IRF2: variants seen among roughly 807,000 people sequenced by gnomAD.
IRF2 encodes interferon regulatory factor 2.
IRF2 carries 15 observed loss-of-function variants against 40.6 expected under a neutral mutation model. The observed-to-expected ratio is 0.37, with a 90% CI of 0.25 to 0.57. IRF2 has a LOEUF of 0.57. Among genes scored for constraint, IRF2 ranks in the 20% least tolerant of loss-of-function variants. The probability of loss-of-function intolerance (pLI) is 0.77; values close to 1 mark genes in which losing one functional copy is unlikely to be tolerated. For missense variants in IRF2, 317 were observed against 455.7 expected (o/e 0.70, Z 2.77); for synonymous variants, 151 against 165.5 (o/e 0.91, Z 0.67).
chr4:184,402,121 T>C (rs1475340390), intron 6 of IRF2, among the ~76,000 whole-genome samples: 3 of 152,212 alleles, frequency 2.0e-5, no homozygotes, highest in Non-Finnish European at 4.4e-5. Flanking sequence ...GAAGTTCATA[T>C]ACATGGCTAT....
chr4:184,407,310 G>C, intron 6 of IRF2: 2 of 1,212,260 alleles, frequency 1.6e-6, no homozygotes, highest in Non-Finnish European at 2.1e-6. Context: ...ATAAAAAGGA[G>C]TTTTTTCTTC....
At chr4:184,398,785 A>T in intron 7 of IRF2, 130 bp downstream of exon 7, 1 of 719,714 alleles carries the variant, frequency 1.4e-6, no homozygotes, top group Non-Finnish European at 2.1e-6. Flanking sequence ...TTAAAGTATG[A>T]AAAACTCCAG....
chr4:184,399,995 A>G (rs1736610067), intron 6 of IRF2, among the ~76,000 whole-genome samples: 1 of 152,248 alleles, frequency 6.6e-6, no homozygotes, highest in Admixed American at 6.5e-5. Flanking sequence ...TCGCAACCAG[A>G]GTATTGACAT....
chr4:184,437,222 A>T (rs553097313), intron 1 of IRF2, among the ~76,000 whole-genome samples: 2 of 152,124 alleles, frequency 1.3e-5, no homozygotes, highest in East Asian at 1.9e-4. Context: ...CGCCCAGCTA[A>T]TTTTTTTGTA....
At chr4:184,434,292 G>C (rs1327294846) in intron 1 of IRF2, among the ~76,000 whole-genome samples, 2 of 152,180 alleles carry the variant, frequency 1.3e-5, no homozygotes, top group Non-Finnish European at 2.9e-5. Context: ...GCTGGTGTGT[G>C]TCCTTGGGCT....
chr4:184,419,952 C>T (rs1028510714), intron 2 of IRF2, among the ~76,000 whole-genome samples: 1 of 152,230 alleles, frequency 6.6e-6, no homozygotes, highest in Non-Finnish European at 1.5e-5. Flanking sequence ...ACTACAACCT[C>T]CACCTCCTGG....
intron 5 of IRF2, among the ~76,000 whole-genome samples, chr4:184,412,564 G>A (rs1456568979): frequency 6.6e-6 from 1 of 152,190 alleles, no homozygotes; most frequent in Non-Finnish European, 1.5e-5. Context: ...CTAACAGAAC[G>A]TGTAGGCTGA....
chr4:184,463,859 C>G (rs922943762), intron 1 of IRF2, among the ~76,000 whole-genome samples: 1 of 152,200 alleles, frequency 6.6e-6, no homozygotes, highest in South Asian at 2.1e-4. Flanking sequence ...TTAAGCTCTA[C>G]TGTCATTCTC....
In IRF2 at chr4:184,408,243, A is replaced by G; in HGVS notation, c.444T>C (p.Ser148=). 6.2e-7 allele frequency: 1 copy of G among 1,612,942 alleles called. No homozygotes were observed. The part of the protein sequence containing the change: ...QEPVESSLGL[S]NGVSDLSPEY... ...CAGGAGAAAGATCACTTACTCCATT[A>G]CTAAGCCCCAGAGATGACTCAACTG... Residue 148 remains serine (S), a synonymous_variant, in exon 6 of 9, where the codon AGT becomes AGC. Transcript: ENST00000393593. The surrounding 1 kb of genome is among the most constrained non-coding windows in gnomAD (Gnocchi z 4.9).
intron 6 of IRF2, among the ~76,000 whole-genome samples, chr4:184,407,663 A>G (rs3775553): frequency 0.52 from 78,514 of 152,048 alleles, 21,453 homozygotes; most frequent in East Asian, 0.61. Context: ...GGCCTCCTCC[A>G]TCTATTTCCT....
intron 1 of IRF2, among the ~76,000 whole-genome samples, chr4:184,440,416 C>T (rs1305165045): frequency 2.0e-5 from 3 of 152,212 alleles, no homozygotes; most frequent in Non-Finnish European, 4.4e-5. Flanking sequence ...TATATATTAA[C>T]GTGGGCAGCA....
intron 1 of IRF2, among the ~76,000 whole-genome samples, chr4:184,461,710 A>T (rs1411412620): frequency 6.0e-5 from 1 of 16,686 alleles, no homozygotes; most frequent in East Asian, 1.3e-3. Context: ...CCAACCCCCA[A>T]CCCCCATCTC....
At chr4:184,432,709 C>T (rs1486641966) in intron 1 of IRF2, among the ~76,000 whole-genome samples, 1 of 152,142 alleles carries the variant, frequency 6.6e-6, no homozygotes, top group African/African-American at 2.4e-5. Flanking sequence ...GACACAGACA[C>T]AGAGAAGAAT....
intron 5 of IRF2, among the ~76,000 whole-genome samples, chr4:184,412,263 A>G (rs990741390): frequency 2.6e-5 from 4 of 152,156 alleles, no homozygotes; most frequent in Admixed American, 6.6e-5. Flanking sequence ...CAGGGGCAGG[A>G]GCACACTTCT....
At chr4:184,426,280 T>C (rs1280737245) in intron 2 of IRF2, among the ~76,000 whole-genome samples, 2 of 152,182 alleles carry the variant, frequency 1.3e-5, no homozygotes, top group Non-Finnish European at 1.5e-5. Flanking sequence ...CCTCCCAAAG[T>C]GCGGGGATTA....
chr4:184,401,176 C>A (rs1269005223), intron 6 of IRF2, among the ~76,000 whole-genome samples: 2 of 152,330 alleles, frequency 1.3e-5, no homozygotes, highest in South Asian at 4.1e-4. Flanking sequence ...AGACGCCAGG[C>A]GTCATGGAGA....
intron 1 of IRF2, among the ~76,000 whole-genome samples, chr4:184,434,328 C>T (rs574090125): frequency 1.3e-5 from 2 of 152,334 alleles, no homozygotes; most frequent in African/African-American, 2.4e-5. Flanking sequence ...CCGGCCCACA[C>T]TTTGATCATC....
chr4:184,435,984 CTT>C (rs35816093), intron 1 of IRF2, among the ~76,000 whole-genome samples: 2 of 143,370 alleles, frequency 1.4e-5, no homozygotes, highest in Non-Finnish European at 1.5e-5. Flanking sequence ...TTTCTTTTTT[CTT>C]TTTTTTTTTG....
chr4:184,432,633 G>A (rs961125285), intron 1 of IRF2, among the ~76,000 whole-genome samples: 7 of 152,226 alleles, frequency 4.6e-5, no homozygotes, highest in African/African-American at 1.7e-4. Context: ...ACAATGATCA[G>A]CTGACAAAAT....
Sources: allele counts gnomAD v4.1 joint callset (sites outside exome capture counted in the v4.1 genomes callset), GRCh38; gene constraint gnomAD v4.1.1; non-coding constraint Gnocchi (gnomAD v3.1); transcripts MANE v1.5; gene names NCBI Gene and HGNC (gene_info 2026-07-23, HGNC 2026-07-21).